IRF2BP1: variants seen among roughly 807,000 people sequenced by gnomAD.
IRF2BP1 encodes the protein interferon regulatory factor 2 binding protein 1.
IRF2BP1 carries 9 observed loss-of-function variants against 38.6 expected under a neutral mutation model. The observed-to-expected ratio is 0.23, with a 90% CI of 0.14 to 0.41. IRF2BP1 has a LOEUF of 0.41. IRF2BP1 is among the 10% of genes least tolerant of loss of function. The pLI is 1.00. For missense variants in IRF2BP1, 631 were observed against 829.6 expected (o/e 0.76, Z 2.94); for synonymous variants, 416 against 383.4 (o/e 1.08, Z -0.99).
Position 45,885,153 on chromosome 19 carries a change from G to A in IRF2BP1, c.622C>T (p.Leu208=), listed in dbSNP as rs1242787550. 2 of 1,610,778 alleles carry A rather than the reference G, an allele frequency of 1.2e-6. No individual in the cohort carries two copies. Among genetic ancestry groups the A allele is most frequent in the Non-Finnish European group, 1.7e-6 (2 of 1,180,020 alleles). The change falls in exon 1 of 1, where the codon CTG becomes TTG. Residue 208 remains leucine (L), a synonymous_variant. Transcript: ENST00000302165. ...KEKQQRNADC[L]AELNEAMRGR... ...CGCATGGCCTCGTTCAGTTCTGCCAGACAGTCCGCATTCCTCTGCTGCTTC... is the reference window on the plus strand; with the variant it reads ...CGCATGGCCTCGTTCAGTTCTGCCAAACAGTCCGCATTCCTCTGCTGCTTC...
rs757940707 is a variant in IRF2BP1 at position 45,885,364 on chromosome 19, G to C, written c.411C>G (p.Ala137=). ...CGGCCTCCTCACGGCCCAGCCCATT[G>C]GCCAGGCGGGACCCCAGAGTGTACT... ...ALEYTLGSRL[A]NGLGREEAVA... is the part of the protein sequence containing the mutation. The change falls in exon 1 of 1, where the codon GCC becomes GCG. Residue 137 remains alanine (A), a synonymous_variant. Transcript: ENST00000302165. 1 of 1,608,916 alleles carries C rather than the reference G, an allele frequency of 6.2e-7. No homozygotes were observed. Among genetic ancestry groups the C allele is most frequent in the South Asian group, 1.1e-5 (1 of 90,970 alleles).
chr19:45,885,455 G>T lies in IRF2BP1; in HGVS notation c.320C>A (p.Ser107Ter). The T allele has an allele frequency of 6.7e-7, 1 of 1,491,978 alleles. No individual in the cohort carries two copies. 92.4% of individuals were successfully genotyped at this position (1,491,978 alleles called of 1,614,324 possible). ...GGCCCTGTCATAGCGGTCCTGGCCC[G>T]ACACGCCGCCGCCGGTCCCTGACGG... Reference protein sequence around the residue: ...PQPSGTGGGVSGQDRYDRATS... With the variant: ...PQPSGTGGGV Residue 107 changes from serine to a stop codon, truncating the protein, a stop_gained, in exon 1 of 1, where the codon TCG becomes TAG. Transcript: ENST00000302165. LOFTEE classifies it high-confidence loss of function.
In IRF2BP1 at chr19:45,886,049, C is replaced by T. The variant is rs1600559358; in HGVS notation, c.-275G>A. The T allele has an allele frequency of 3.6e-5, 11 of 309,176 alleles. No homozygotes were observed. In the East Asian group the frequency reaches 3.6e-4, roughly 10 times the overall value. 19.2% of individuals were successfully genotyped at this position (309,176 alleles called of 1,614,324 possible). On this transcript the variant is annotated 5_prime_UTR_variant, in exon 1 of 1. Coordinates refer to ENST00000302165, the MANE Select transcript of IRF2BP1 (RefSeq NM_015649.3). ...GAGCCGAGGCGCACAGCTCGGGCCC[C>T]ACGATGGGCCGCGAGCGCCGCCGCC...
In IRF2BP1 at chr19:45,885,763, C is replaced by A; in HGVS notation, c.12G>T (p.Val4=). 6.4e-7 allele frequency: 1 copy of A among 1,569,850 alleles called. No individual in the cohort carries two copies. Among genetic ancestry groups the A allele is most frequent in the Non-Finnish European group, 8.6e-7 (1 of 1,167,768 alleles). Residue 4 remains valine (V), a synonymous_variant, in exon 1 of 1, where the codon GTG becomes GTT. Transcript: ENST00000302165. MAS[V]QASRRQWCYL... Reference sequence around the variant, plus strand: ...AGCACCACTGGCGGCGGGACGCCTGCACAGACGCCATGGCCCCAGTCCGCG... The same window carrying A: ...AGCACCACTGGCGGCGGGACGCCTGAACAGACGCCATGGCCCCAGTCCGCG...
rs1379281661 is a variant in IRF2BP1, at chr19:45,884,276, G to A, written c.1499C>T (p.Pro500Leu). Residue 500 changes from proline to leucine, a missense_variant, in exon 1 of 1, where the codon CCC becomes CTC. Coordinates refer to ENST00000302165, the MANE Select transcript of IRF2BP1 (RefSeq NM_015649.3). The part of the protein sequence containing the change: ...GSGTGATPGA[P>L]LCCTLCRERL... ...CTCCCTGCACAGGGTACAGCACAGG[G>A]GGGCCCCAGGGGTCGCCCCAGTGCC... 14 of 1,609,768 alleles carry A rather than the reference G, an allele frequency of 8.7e-6. No homozygotes were observed. Among genetic ancestry groups the A allele is most frequent in the Non-Finnish European group, 6.8e-6 (8 of 1,178,622 alleles).
chr19:45,886,002 GC>G lies in IRF2BP1; in HGVS notation c.-229del. The G allele has an allele frequency of 2.1e-6, 1 of 468,824 alleles. No individual in the cohort carries two copies. The highest frequency in any genetic ancestry group is 3.6e-6 in the Non-Finnish European group (1 of 278,470). 29.0% of individuals were successfully genotyped at this position (468,824 alleles called of 1,614,324 possible). On this transcript the variant is annotated 5_prime_UTR_variant, in exon 1 of 1. Transcript: ENST00000302165. ...CGAAGGCAGGCTGAGGCACGTCGGC[GC>G]CCCCGCCCGGTCCGGGCTCCGAGCC...
Position 45,884,598 on chromosome 19 carries a change from C to T in IRF2BP1, c.1177G>A (p.Gly393Arg), listed in dbSNP as rs750901841. 2.6e-5 allele frequency: 41 copies of T among 1,599,130 alleles called. No homozygotes were observed. Among genetic ancestry groups the T allele is most frequent in the Admixed American group, 1.0e-4 (6 of 59,920 alleles). ...ASPEPEGEAA[G>R]KMTTEEQQQR... ...TGCTGCTCCTCGGTGGTCATCTTCC[C>T]AGCCGCCTCGCCCTCCGGCTCGGGG... Residue 393 changes from glycine to arginine, a missense_variant, in exon 1 of 1, where the codon GGG becomes AGG. Physicochemically the swap from Gly to Arg is moderately radical, Grantham distance 125. Around this residue, in one of 5 missense-constraint regions of IRF2BP1, gnomAD observed 201 missense variants for 215.3 expected, o/e 0.93. Transcript: ENST00000302165.
In IRF2BP1 at chr19:45,885,809, C is replaced by A; in HGVS notation, c.-35G>T. ...CCGCGCGCCGCCCAGCTCCCGCGTT[C>A]CACCGGCCGCCGACGTGCGATCCGC... On this transcript the variant is annotated 5_prime_UTR_variant, in exon 1 of 1. Coordinates refer to ENST00000302165, the MANE Select transcript of IRF2BP1 (RefSeq NM_015649.3). 1 of 1,497,060 alleles carries A rather than the reference C, an allele frequency of 6.7e-7. No homozygotes were observed. The highest frequency in any genetic ancestry group is 8.8e-7 in the Non-Finnish European group (1 of 1,134,258). 92.7% of individuals were successfully genotyped at this position (1,497,060 alleles called of 1,614,324 possible). A position where few individuals can be genotyped will look rare whatever the true frequency, so the allele number is the denominator to read the frequency against.
chr19:45,885,676 A>G lies in IRF2BP1; in HGVS notation c.99T>C (p.Cys33=). Residue 33 remains cysteine, a synonymous_variant, in exon 1 of 1, where the codon TGT becomes TGC. Transcript: ENST00000302165. ...CGCCCTCGAAGTTCACGCAGCCGCG[A>G]CACACGGCCTCGCTGAAGTCCCACA... ...AMVWDFSEAV[C]RGCVNFEGAD... The G allele has an allele frequency of 6.3e-7, 1 of 1,584,702 alleles. No homozygotes were observed. Among genetic ancestry groups the G allele is most frequent in the Non-Finnish European group, 8.5e-7 (1 of 1,174,150 alleles).
Position 45,884,128 on chromosome 19 carries a change from T to G in IRF2BP1, c.1647A>C (p.Gly549=). 6.2e-7 allele frequency: 1 copy of G among 1,613,124 alleles called. No individual in the cohort carries two copies. Among genetic ancestry groups the G allele is most frequent in the Non-Finnish European group, 8.5e-7 (1 of 1,179,764 alleles). The part of the protein sequence containing the change: ...GPAGEVYCPS[G]DKCPLVGSSV... The stretch of plus-strand genomic sequence containing the variant: ...AGGAGCCGACCAGCGGGCACTTGTC[T>G]CCGCTCGGGCAGTACACCTCCCCGG... The change falls in exon 1 of 1, where the codon GGA becomes GGC. Residue 549 remains glycine, a synonymous_variant. Coordinates refer to ENST00000302165, the MANE Select transcript of IRF2BP1 (RefSeq NM_015649.3).
chr19:45,884,141 T>A lies in IRF2BP1; in HGVS notation c.1634A>T (p.Tyr545Phe). Residue 545 changes from tyrosine to phenylalanine, a missense_variant, in exon 1 of 1, where the codon TAC (tyrosine) becomes TTC (phenylalanine). Tyr to Phe is a conservative substitution (Grantham distance 22). Transcript: ENST00000302165. Reference protein sequence around the residue: ...IKAQGPAGEVYCPSGDKCPLV... With the variant: ...IKAQGPAGEVFCPSGDKCPLV... ...CGGGCACTTGTCTCCGCTCGGGCAG[T>A]ACACCTCCCCGGCCGGGCCCTGCGC... 6.2e-7 allele frequency: 1 copy of A among 1,613,240 alleles called. No individual in the cohort carries two copies. The highest frequency in any genetic ancestry group is 8.5e-7 in the Non-Finnish European group (1 of 1,179,884).
rs1967036918 is a variant in IRF2BP1, at chr19:45,885,064, G to C, written c.711C>G (p.Ser237=). The C allele has an allele frequency of 6.2e-7, 1 of 1,612,776 alleles. No individual in the cohort carries two copies. Among genetic ancestry groups the C allele is most frequent in the Non-Finnish European group, 8.5e-7 (1 of 1,180,046 alleles). The change falls in exon 1 of 1, where the codon TCC becomes TCG. Residue 237 remains serine, a synonymous_variant. Coordinates refer to ENST00000302165, the MANE Select transcript of IRF2BP1 (RefSeq NM_015649.3). Reference sequence around the variant, plus strand: ...AGCGCACATTGAACGGGGCGCAGGCGGACAGCGCCAGTAGCTGTTCCCGCA... The same window carrying C: ...AGCGCACATTGAACGGGGCGCAGGCCGACAGCGCCAGTAGCTGTTCCCGCA... ...KAVREQLLAL[S]ACAPFNVRFK...
Position 45,884,181 on chromosome 19 carries a change from G to A in IRF2BP1, c.1594C>T (p.Arg532Trp). 2 of 1,612,890 alleles carry A rather than the reference G, an allele frequency of 1.2e-6. No individual in the cohort carries two copies. Among genetic ancestry groups the A allele is most frequent in the Non-Finnish European group, 1.7e-6 (2 of 1,179,882 alleles). ...PGHKFCFPCS[R>W]EFIKAQGPAG... ...GGGCCCTGCGCCTTGATGAACTCCCGGGAGCAGGGAAAGCAGAACTTGTGT... is the reference window on the plus strand; with the variant it reads ...GGGCCCTGCGCCTTGATGAACTCCCAGGAGCAGGGAAAGCAGAACTTGTGT... The change falls in exon 1 of 1, where the codon CGG (arginine) becomes TGG (tryptophan). Residue 532 changes from arginine to tryptophan, a missense_variant. Arg to Trp is a moderately radical substitution (Grantham distance 101). Transcript: ENST00000302165.
chr19:45,883,715 G>C lies in IRF2BP1; in HGVS notation c.*305C>G, dbSNP rs902775439. On this transcript the variant is annotated 3_prime_UTR_variant, in exon 1 of 1. Coordinates refer to ENST00000302165, the MANE Select transcript of IRF2BP1 (RefSeq NM_015649.3). ...TCGTTTATAAAGAGCGAGTTTTCAG[G>C]AGGTCCCTTCTCAAGGAGGAGGGGG... The C allele has an allele frequency of 3.0e-6, 1 of 330,726 alleles. No individual in the cohort carries two copies. Among genetic ancestry groups the C allele is most frequent in the African/African-American group, 2.1e-5 (1 of 47,004 alleles). 20.5% of individuals were successfully genotyped at this position (330,726 alleles called of 1,614,324 possible).
Position 45,883,914 on chromosome 19 carries a change from A to G in IRF2BP1, c.*106T>C. The G allele has an allele frequency of 1.8e-6, 2 of 1,101,004 alleles. No individual in the cohort carries two copies. The highest frequency in any genetic ancestry group is 2.5e-6 in the Non-Finnish European group (2 of 790,870). The allele number at this position is 1,101,004 out of a possible 1,614,324, so 68.2% of individuals were successfully genotyped here. ...ATCTGGGTGGAAGAAGGGAGTATGT[A>G]CACAGATAGAGGTGGCACTGGGCTG... On this transcript the variant is annotated 3_prime_UTR_variant, in exon 1 of 1. Coordinates refer to ENST00000302165, the MANE Select transcript of IRF2BP1 (RefSeq NM_015649.3).
Position 45,883,725 on chromosome 19 carries a change from C to T in IRF2BP1, c.*295G>A, listed in dbSNP as rs1967018013. The T allele has an allele frequency of 2.9e-6, 1 of 345,832 alleles. No individual in the cohort carries two copies. Among genetic ancestry groups the T allele is most frequent in the South Asian group, 1.1e-4 (1 of 9,412 alleles). The allele number at this position is 345,832 out of a possible 1,614,324, so 21.4% of individuals were successfully genotyped here. A position where few individuals can be genotyped will look rare whatever the true frequency, so the allele number is the denominator to read the frequency against. On this transcript the variant is annotated 3_prime_UTR_variant, in exon 1 of 1. Coordinates refer to ENST00000302165, the MANE Select transcript of IRF2BP1 (RefSeq NM_015649.3). Reference sequence around the variant, plus strand: ...AGAGCGAGTTTTCAGGAGGTCCCTTCTCAAGGAGGAGGGGGGCACCTCTCC... The same window carrying T: ...AGAGCGAGTTTTCAGGAGGTCCCTTTTCAAGGAGGAGGGGGGCACCTCTCC...
Position 45,884,276 on chromosome 19 carries a change from G to C in IRF2BP1, c.1499C>G (p.Pro500Arg). 6.2e-7 allele frequency: 1 copy of C among 1,609,886 alleles called. No individual in the cohort carries two copies. The highest frequency in any genetic ancestry group is 8.5e-7 in the Non-Finnish European group (1 of 1,178,614). The change falls in exon 1 of 1, where the codon CCC becomes CGC. Residue 500 changes from proline to arginine, a missense_variant. Physicochemically the swap from Pro to Arg is moderately radical, Grantham distance 103 (BLOSUM62 -2). Coordinates refer to ENST00000302165, the MANE Select transcript of IRF2BP1 (RefSeq NM_015649.3). ...CTCCCTGCACAGGGTACAGCACAGG[G>C]GGGCCCCAGGGGTCGCCCCAGTGCC... ...GSGTGATPGA[P>R]LCCTLCRERL...
chr19:45,884,912 C>G lies in IRF2BP1; in HGVS notation c.863G>C (p.Gly288Ala). 6.2e-7 allele frequency: 1 copy of G among 1,613,316 alleles called. No individual in the cohort carries two copies. The highest frequency in any genetic ancestry group is 1.1e-5 in the South Asian group (1 of 91,092). ...CATCTGGCGAGCCACTGCCAGGACGCCGGCGTACACATTGCCGGAACCACA... is the reference window on the plus strand; with the variant it reads ...CATCTGGCGAGCCACTGCCAGGACGGCGGCGTACACATTGCCGGAACCACA... ...YPCGSGNVYA[G>A]VLAVARQMFH... The change falls in exon 1 of 1, where the codon GGC becomes GCC. Residue 288 changes from glycine (G) to alanine (A), a missense_variant. This residue lies in a region of IRF2BP1 where 133 missense variants were observed against 232.2 expected (regional missense o/e 0.57). Coordinates refer to ENST00000302165, the MANE Select transcript of IRF2BP1 (RefSeq NM_015649.3).
At position 45,884,547 on chromosome 19, in the gene IRF2BP1, C is replaced by T; in HGVS notation, c.1228G>A (p.Gly410Ser). 1.6e-5 allele frequency: 26 copies of T among 1,599,632 alleles called. No homozygotes were observed. The highest frequency in any genetic ancestry group is 2.2e-5 in the Non-Finnish European group (26 of 1,179,472). Residue 410 changes from glycine (G) to serine (S), a missense_variant, in exon 1 of 1, where the codon GGC becomes AGC. Gly to Ser is a moderately conservative substitution (Grantham distance 56, BLOSUM62 0). Around this residue, in one of 5 missense-constraint regions of IRF2BP1, gnomAD observed 201 missense variants for 215.3 expected, o/e 0.93. Transcript: ENST00000302165. ...QQQRHWVAPG[G>S]PYSAETPGVP... Reference sequence around the variant, plus strand: ...CCAGGGGTCTCAGCGGAGTACGGGCCGCCGGGTGCCACCCAGTGCCGTTGC... The same window carrying T: ...CCAGGGGTCTCAGCGGAGTACGGGCTGCCGGGTGCCACCCAGTGCCGTTGC...
Sources: allele counts gnomAD v4.1 joint callset, GRCh38; gene constraint gnomAD v4.1.1; regional missense constraint gnomAD v4.1.1; transcripts MANE v1.5; gene names NCBI Gene and HGNC (gene_info 2026-07-23, HGNC 2026-07-21).